The following RAP1GDS1 variants were observed in gnomAD, a reference collection of about 807,000 sequenced individuals.
The protein encoded by RAP1GDS1 is Rap1 GTPase-GDP dissociation stimulator 1.
RAP1GDS1 carries 35 observed loss-of-function variants against 71.1 expected under a neutral mutation model. The ratio of observed to expected loss-of-function variants is 0.49; its 90% confidence interval spans 0.38 to 0.65. The LOEUF is 0.65. Among genes scored for constraint, RAP1GDS1 ranks in the 30% least tolerant of loss-of-function variants. The probability of loss-of-function intolerance (pLI) is 0.00; values close to 1 mark genes in which losing one functional copy is unlikely to be tolerated. For missense variants in RAP1GDS1, 663 were observed against 706.1 expected (o/e 0.94, Z 0.69); for synonymous variants, 229 against 243.1 (o/e 0.94, Z 0.54).
chr4:98,279,478 A>G (rs892775512), intron 1 of RAP1GDS1, among the ~76,000 whole-genome samples: 1 of 151,634 alleles, frequency 6.6e-6, no homozygotes, highest in Non-Finnish European at 1.5e-5. Context: ...TTTTTTTCAT[A>G]TGGAAAAAAA....
intron 2 of RAP1GDS1, among the ~76,000 whole-genome samples, chr4:98,304,479 C>T (rs1172024526): frequency 6.6e-6 from 1 of 152,128 alleles, no homozygotes; most frequent in African/African-American, 2.4e-5. Context: ...TGTTTGTTGG[C>T]CGCATAAGTG....
At chr4:98,350,018 C>T (rs914741679) in intron 3 of RAP1GDS1, among the ~76,000 whole-genome samples, 28 of 152,064 alleles carry the variant, frequency 1.8e-4, no homozygotes, top group African/African-American at 6.0e-4. Flanking sequence ...AATATATTAG[C>T]TTTGTTTTAT....
intron 2 of RAP1GDS1, among the ~76,000 whole-genome samples, chr4:98,324,674 G>C (rs1732640824): frequency 1.4e-5 from 2 of 143,938 alleles, no homozygotes; most frequent in Admixed American, 6.9e-5. Context: ...ATGGGGAAAG[G>C]ATTCCCTATT....
chr4:98,325,158 A>G lies in RAP1GDS1; in HGVS notation c.113-17981A>G, dbSNP rs1283124904. 3.3e-5 allele frequency among the ~76,000 whole-genome samples: 5 copies of G among 151,820 alleles called. No individual in the cohort carries two copies. The East Asian group carries it at 5.8e-4, about 18-fold the overall frequency. On this transcript the variant is annotated intron_variant, in intron 2 of 14. Coordinates refer to ENST00000408927, the MANE Select transcript of RAP1GDS1 (RefSeq NM_001100427.2). ...AAAGAAGACATTTATGCAGCCAAAAAACACATGAAAAAATGCTCACCATCA... is the reference window on the plus strand; with the variant it reads ...AAAGAAGACATTTATGCAGCCAAAAGACACATGAAAAAATGCTCACCATCA...
intron 12 of RAP1GDS1, among the ~76,000 whole-genome samples, chr4:98,431,479 T>C (rs946158377): frequency 3.3e-5 from 5 of 152,260 alleles, no homozygotes; most frequent in Admixed American, 2.6e-4. Flanking sequence ...CTTGGTTTTA[T>C]ATATACCAAA....
At chr4:98,277,775 A>G (rs1373687119) in intron 1 of RAP1GDS1, among the ~76,000 whole-genome samples, 1 of 152,238 alleles carries the variant, frequency 6.6e-6, no homozygotes, top group Non-Finnish European at 1.5e-5. Flanking sequence ...AGGTCATGCT[A>G]CTACTCTTAA....
intron 2 of RAP1GDS1, among the ~76,000 whole-genome samples, chr4:98,314,790 A>G (rs17561798): frequency 0.023 from 3,487 of 152,268 alleles, 58 homozygotes; most frequent in Non-Finnish European, 0.033. Flanking sequence ...TATGGATTCA[A>G]CTCACATTTT....
rs548175850 is a variant in RAP1GDS1, at chr4:98,312,614, T to C, written c.112+19099T>C. On this transcript the variant is annotated intron_variant, in intron 2 of 14. Transcript: ENST00000408927. ...GAAATCTTTGTTGGGAGGGCTAAGATGATCCTCTTTTCTAGGAGCAGTGGT... is the reference window on the plus strand; with the variant it reads ...GAAATCTTTGTTGGGAGGGCTAAGACGATCCTCTTTTCTAGGAGCAGTGGT... Among the ~76,000 whole-genome samples the C allele has an allele frequency of 9.2e-4, 140 of 152,292 alleles. 3 individuals are homozygous for C. The highest frequency in any genetic ancestry group is 3.2e-3 in the African/African-American group (135 of 41,558).
intron 1 of RAP1GDS1, among the ~76,000 whole-genome samples, chr4:98,289,554 C>CAAAAAA (rs6148589): frequency 1.2e-4 from 12 of 101,984 alleles, no homozygotes; most frequent in East Asian, 3.0e-4. Flanking sequence ...CTCTGGTAAA[C>CAAAAAA]AAAAAAAAAA....
chr4:98,419,960 G>A (rs1026227063), intron 10 of RAP1GDS1, 59 bp from the exon 11 acceptor site: 110 of 1,436,136 alleles, frequency 7.7e-5, no homozygotes, highest in Non-Finnish European at 1.0e-4. Flanking sequence ...GTATTGAATT[G>A]AATGTTTATC....
chr4:98,424,011 A>C (rs1749260726), intron 12 of RAP1GDS1, among the ~76,000 whole-genome samples: 1 of 152,214 alleles, frequency 6.6e-6, no homozygotes, highest in African/African-American at 2.4e-5. Flanking sequence ...CATATGGGTT[A>C]TTCAACTAGA....
intron 2 of RAP1GDS1, among the ~76,000 whole-genome samples, chr4:98,300,573 G>A (rs1489266011): frequency 2.6e-5 from 4 of 151,844 alleles, no homozygotes; most frequent in Non-Finnish European, 4.4e-5. Context: ...CTAATTTTTT[G>A]TATTTTTAGT....
At chr4:98,261,678 G>C (rs1332764845) in intron 1 of RAP1GDS1, 109 bp downstream of exon 1, 2 of 1,374,222 alleles carry the variant, frequency 1.5e-6, no homozygotes, top group African/African-American at 2.9e-5. Flanking sequence ...TCCAGTCCCC[G>C]GGTGTGAGAC....
chr4:98,414,715 A>G (rs1278082970), intron 7 of RAP1GDS1, among the ~76,000 whole-genome samples: 3 of 151,598 alleles, frequency 2.0e-5, no homozygotes, highest in Admixed American at 6.6e-5. Flanking sequence ...TCTTGGTTCC[A>G]TATGAACTTT....
intron 6 of RAP1GDS1, among the ~76,000 whole-genome samples, chr4:98,398,413 C>T (rs187579390): frequency 2.6e-5 from 4 of 152,026 alleles, no homozygotes; most frequent in African/African-American, 9.7e-5. Flanking sequence ...CAGACCATAG[C>T]GCATCAATGT....
At chr4:98,334,929 A>T (rs1460433977) in intron 2 of RAP1GDS1, among the ~76,000 whole-genome samples, 1 of 151,728 alleles carries the variant, frequency 6.6e-6, no homozygotes, top group East Asian at 1.9e-4. Context: ...AAAAAAAAAA[A>T]AAAAAGAGAT....
intron 6 of RAP1GDS1, among the ~76,000 whole-genome samples, chr4:98,393,758 C>A (rs1285430063): frequency 6.6e-6 from 1 of 152,070 alleles, no homozygotes; most frequent in Non-Finnish European, 1.5e-5. Context: ...ATAAAATACA[C>A]AATCGATTTC....
rs372424550 is a variant in RAP1GDS1 at position 98,288,385 on chromosome 4, T to C, written c.5-5023T>C. On this transcript the variant is annotated intron_variant, in intron 1 of 14. Coordinates refer to ENST00000408927, the MANE Select transcript of RAP1GDS1 (RefSeq NM_001100427.2). ...CTCATCGTTTTTTATGGCTGCATAG[T>C]ATTCCATGGTGTATATGTGCCACAT... 2.0e-3 allele frequency among the ~76,000 whole-genome samples: 299 copies of C among 152,326 alleles called. 6 individuals are homozygous for C. The highest frequency in any genetic ancestry group is 0.012 in the East Asian group (63 of 5,188).
At chr4:98,379,483 A>T (rs1179581501) in intron 5 of RAP1GDS1, 1 of 169,894 alleles carries the variant, frequency 5.9e-6, no homozygotes, top group Non-Finnish European at 1.2e-5. Flanking sequence ...TATCTTCGTT[A>T]TATATATACC....
Sources: gnomAD v4.1 joint callset for allele counts (sites outside exome capture counted in the v4.1 genomes callset) on GRCh38, gnomAD v4.1.1 for gene constraint, MANE v1.5 for transcripts, NCBI Gene and HGNC (gene_info 2026-07-23, HGNC 2026-07-21) for gene names.